Variants in TASOR2 observed in about 807,000 individuals in gnomAD.
TASOR2 encodes the protein protein TASOR 2.
In TASOR2, 84 loss-of-function variants were observed where a neutral mutation model predicts 199.5. The observed-to-expected ratio is 0.42, with a 90% CI of 0.35 to 0.50. The LOEUF is 0.50. TASOR2 is among the 20% of genes least tolerant of loss of function. The pLI, the probability that TASOR2 is intolerant of heterozygous loss-of-function variation, is 0.02. For missense variants in TASOR2, 2,796 were observed against 2,835.9 expected (o/e 0.99, Z 0.32); for synonymous variants, 1,103 against 1,046.6 (o/e 1.05, Z -1.04).
exon 15 of TASOR2, chr10:5,746,670 T>G (rs571585318): frequency 1.2e-6 from 2 of 1,614,128 alleles, no homozygotes; most frequent in South Asian, 1.1e-5. Flanking sequence ...AGGAGTTGAT[T>G]AAGCAAGTAT....
chr10:5,735,577 A>G (rs1835454714), intron 12 of TASOR2, 31 bp downstream of exon 13: 1 of 1,601,528 alleles, frequency 6.2e-7, no homozygotes, highest in African/African-American at 1.4e-5. Context: ...AAATTTAAAC[A>G]CCCCAATACA....
intron 14 of TASOR2, among the ~76,000 whole-genome samples, chr10:5,744,429 A>G (rs1379896355): frequency 2.0e-5 from 3 of 152,064 alleles, no homozygotes; most frequent in African/African-American, 7.3e-5. Flanking sequence ...CAGCCTCCCT[A>G]GTAGCTGGGA....
At position 5,730,761 on chromosome 10, in the gene TASOR2, A is replaced by C; in HGVS notation, c.762A>C (p.Ser254=). Residue 254 remains serine (S), a synonymous_variant, in exon 11 of 21, where the codon TCA becomes TCC. Transcript: ENST00000328090. This position sits in a 1 kb window ranked among gnomAD's most constrained non-coding sequence, Gnocchi z 4.1. The stretch of plus-strand genomic sequence containing the variant: ...TTCCTCCAGCTGAAAAGTGCCCTTC[A>C]GAGTCTTTAACTCAGTTGAACTCTT... The C allele has an allele frequency of 6.2e-7, 1 of 1,614,222 alleles. No homozygotes were observed. The highest frequency in any genetic ancestry group is 8.5e-7 in the Non-Finnish European group (1 of 1,180,032).
In TASOR2 at chr10:5,699,769, CAAAG is replaced by C. The variant is rs1837573819; in HGVS notation, c.-287-13046_-287-13043del. 4.5e-6 allele frequency: 4 copies of C among 897,152 alleles called. No homozygotes were observed. The South Asian group carries it at 1.6e-4, about 35-fold the overall frequency. The allele number at this position is 897,152 out of a possible 1,614,324, so 55.6% of individuals were successfully genotyped here. On this transcript the variant is annotated intron_variant, in intron 1 of 20. Transcript: ENST00000328090. The surrounding 1 kb of genome is among the most constrained non-coding windows in gnomAD (Gnocchi z 4.1). ...ATATTTTACCACAATTTTGATAATGCAAAGAAAGAAAACAAAAGATAGACAGGAG... is the reference window on the plus strand; with the variant it reads ...ATATTTTACCACAATTTTGATAATGCAAAGAAAACAAAAGATAGACAGGAG...
intron 3 of TASOR2, 21 bp downstream of exon 4, chr10:5,717,771 T>TA: frequency 2.1e-6 from 2 of 953,268 alleles, no homozygotes; most frequent in Non-Finnish European, 2.7e-6. Flanking sequence ...AATGTGCTGT[T>TA]ACGTGATTTC....
intron 1 of TASOR2, among the ~76,000 whole-genome samples, chr10:5,705,270 T>C (rs1838436411): frequency 6.6e-6 from 1 of 152,226 alleles, no homozygotes; most frequent in African/African-American, 2.4e-5. Context: ...GTATGTACTC[T>C]TGTGTCTGAT....
In TASOR2 at chr10:5,751,306, A is replaced by G. The variant is rs1034787691; in HGVS notation, c.6606+1279A>G. Among the ~76,000 whole-genome samples, 1 of 152,180 alleles carries G rather than the reference A, an allele frequency of 6.6e-6. No homozygotes were observed. The highest frequency in any genetic ancestry group is 1.5e-5 in the Non-Finnish European group (1 of 68,044). On this transcript the variant is annotated intron_variant, in intron 15 of 20. Transcript: ENST00000328090. The surrounding 1 kb of genome is among the most constrained non-coding windows in gnomAD (Gnocchi z 5.3). ...CTGGTGATTCTTATCTGAATCAGTT[A>G]TTACTATGATGATTGCCAAATAGTG...
chr10:5,708,558 CTTTT>C (rs1321470257), intron 1 of TASOR2, among the ~76,000 whole-genome samples: 4 of 147,184 alleles, frequency 2.7e-5, no homozygotes, highest in Non-Finnish European at 5.9e-5. Context: ...TTCTTTCTTT[CTTTT>C]TCTTTCTTTC....
intron 8 of TASOR2, among the ~76,000 whole-genome samples, chr10:5,725,061 C>G (rs1292814367): frequency 1.3e-5 from 2 of 152,054 alleles, no homozygotes; most frequent in Non-Finnish European, 2.9e-5. Flanking sequence ...ACTACTATTG[C>G]CCCAGAGGGT....
rs1419846742 is a variant in TASOR2, at chr10:5,738,215, A to G, written c.1448-1403A>G. Among the ~76,000 whole-genome samples, 1 of 152,144 alleles carries G rather than the reference A, an allele frequency of 6.6e-6. No individual in the cohort carries two copies. Among genetic ancestry groups the G allele is most frequent in the Non-Finnish European group, 1.5e-5 (1 of 68,026 alleles). ...AATGTAGTTCCTTTGGCATTGTCTT[A>G]TGTATGTCTTAAATAGAAATTATGG... is the stretch of plus-strand genomic sequence containing the variant. On this transcript the variant is annotated intron_variant, in intron 12 of 20. Coordinates refer to ENST00000328090, the Ensembl canonical transcript of TASOR2. This position sits in a 1 kb window ranked among gnomAD's most constrained non-coding sequence, Gnocchi z 4.7.
chr10:5,758,844 CT>C (rs1839360167), intron 17 of TASOR2, 42 bp from the exon 19 acceptor site: 1 of 1,484,992 alleles, frequency 6.7e-7, no homozygotes, highest in Non-Finnish European at 9.4e-7. Context: ...CCAAAAGTAC[CT>C]TAAACTTGTC....
chr10:5,720,584 G>A lies in TASOR2; in HGVS notation c.-59G>A, dbSNP rs1833226721. On this transcript the variant is annotated 5_prime_UTR_variant, in exon 4 of 21. Coordinates refer to ENST00000328090, the Ensembl canonical transcript of TASOR2. The surrounding 1 kb of genome is among the most constrained non-coding windows in gnomAD (Gnocchi z 5.3). ...CTTTCAGGCAACACCGTTATTGAAC[G>A]ACCCAGACAGATCTGTCCTTATGTA... 4.3e-6 allele frequency: 7 copies of A among 1,610,770 alleles called. No individual in the cohort carries two copies. The African/African-American group carries it at 5.3e-5, about 12-fold the overall frequency.
intron 10 of TASOR2, among the ~76,000 whole-genome samples, chr10:5,728,192 G>A (rs1312627272): frequency 1.4e-5 from 2 of 145,020 alleles, no homozygotes; most frequent in African/African-American, 5.2e-5. Flanking sequence ...CTGCCCTCCA[G>A]CCTGGGCAAC....
intron 18 of TASOR2, among the ~76,000 whole-genome samples, chr10:5,759,728 G>T (rs548554743): frequency 6.6e-6 from 1 of 152,246 alleles, no homozygotes; most frequent in Non-Finnish European, 1.5e-5. Flanking sequence ...ATCCCAGAAA[G>T]ACGAAACGAC....
chr10:5,707,749 C>T (rs1398873584), intron 1 of TASOR2, among the ~76,000 whole-genome samples: 1 of 86,492 alleles, frequency 1.2e-5, no homozygotes, highest in Non-Finnish European at 3.2e-5. Context: ...CACACACACA[C>T]ACACACACAC....
chr10:5,761,136 GTGA>G, intron 18 of TASOR2, 151 bp from the exon 20 acceptor site: 1 of 612,516 alleles, frequency 1.6e-6, no homozygotes, highest in Non-Finnish European at 2.8e-6. Flanking sequence ...AGGTACAATT[GTGA>G]TGTTTTGAGG....
intron 10 of TASOR2, among the ~76,000 whole-genome samples, chr10:5,727,327 C>G (rs1385511729): frequency 6.6e-6 from 1 of 152,210 alleles, no homozygotes; most frequent in African/African-American, 2.4e-5. Flanking sequence ...CTCCACTTGT[C>G]TACTGACATT....
In TASOR2 at chr10:5,711,063, TGAGCAA is replaced by T. The variant is rs1831846846; in HGVS notation, c.-287-1759_-287-1754del. Among the ~76,000 whole-genome samples, 3 of 152,142 alleles carry T rather than the reference TGAGCAA, an allele frequency of 2.0e-5. No individual in the cohort carries two copies. In the South Asian group the frequency reaches 6.2e-4, roughly 31 times the overall value. ...GGTATATTGAAGGAGAAAGTGAAAC[TGAGCAA>T]AAGTAAAAGTAAAACTTAGAATGAA... On this transcript the variant is annotated intron_variant, in intron 1 of 20. Coordinates refer to ENST00000328090, the Ensembl canonical transcript of TASOR2.
exon 15 of TASOR2, chr10:5,746,290 G>T (rs779705187): frequency 6.2e-7 from 1 of 1,614,052 alleles, no homozygotes; most frequent in Non-Finnish European, 8.5e-7. Context: ...AGAAGAAATT[G>T]TTCAGCCACT....
Sources: gnomAD v4.1 joint callset for allele counts (sites outside exome capture counted in the v4.1 genomes callset) on GRCh38, gnomAD v4.1.1 for gene constraint, Gnocchi (gnomAD v3.1) non-coding constraint, MANE v1.5 for transcripts, NCBI Gene and HGNC (gene_info 2026-07-23, HGNC 2026-07-21) for gene names.